The following PTPRG variants were observed in gnomAD, a reference collection of about 807,000 sequenced individuals.
The protein encoded by PTPRG is protein tyrosine phosphatase receptor type G.
In PTPRG, 102 loss-of-function variants were observed where a neutral mutation model predicts 165.3. The ratio of observed to expected loss-of-function variants is 0.62; its 90% CI spans 0.53 to 0.73. The LOEUF is 0.73. PTPRG is among the 30% of genes least tolerant of loss of function. The probability of loss-of-function intolerance (pLI) is 0.00; values close to 1 mark genes in which losing one functional copy is unlikely to be tolerated. For missense variants in PTPRG, 1,866 were observed against 1,861.4 expected, an observed-to-expected ratio of 1.00 and a Z score of -0.05; for synonymous variants, 675 against 669.5, an observed-to-expected ratio of 1.01 and a Z score of -0.13.
At chr3:61,659,293 G>C in intron 1 of PTPRG, 1 of 985,046 alleles carries the variant, frequency 1.0e-6, no homozygotes. Context: ...CATCGACAAA[G>C]GCACTGATGG....
At position 62,003,318 on chromosome 3, in the gene PTPRG, G is replaced by T. The variant is rs756893775; in HGVS notation, c.371-31G>T. On this transcript the variant is annotated intron_variant, in intron 3 of 29. Transcript: ENST00000474889. ...TCCATTTGGTTTTGAAACTCACTTT[G>T]TTTTCCTCTCTTCTCATTTGTTTCA... is the stretch of plus-strand genomic sequence containing the variant. 3.8e-6 allele frequency: 6 copies of T among 1,591,204 alleles called. No homozygotes were observed. In the African/African-American group the frequency reaches 8.1e-5, roughly 22 times the overall value.
At chr3:62,244,004 G>C in intron 15 of PTPRG, 106 bp downstream of exon 15, 1 of 665,036 alleles carries the variant, frequency 1.5e-6, no homozygotes, top group Non-Finnish European at 2.5e-6. Flanking sequence ...TTTAAAGCTT[G>C]CCCAGTATAA....
intron 2 of PTPRG, among the ~76,000 whole-genome samples, chr3:61,751,606 T>C (rs533368834): frequency 3.3e-5 from 5 of 152,314 alleles, no homozygotes; most frequent in Non-Finnish European, 5.9e-5. Context: ...ATCTTGATGA[T>C]GTTGGAAAAG....
At chr3:61,735,185 A>G (rs959429379) in intron 1 of PTPRG, among the ~76,000 whole-genome samples, 9 of 152,240 alleles carry the variant, frequency 5.9e-5, no homozygotes, top group Admixed American at 5.9e-4. Context: ...TGCTTTAGCC[A>G]TCTTGATGTG....
intron 2 of PTPRG, among the ~76,000 whole-genome samples, chr3:61,855,630 A>T (rs2107380949): frequency 2.0e-5 from 3 of 151,422 alleles, no homozygotes; most frequent in African/African-American, 7.3e-5. Context: ...AAGGGGTATA[A>T]AATAATATGA....
chr3:61,814,468 G>C (rs936461234), intron 2 of PTPRG, among the ~76,000 whole-genome samples: 2 of 152,030 alleles, frequency 1.3e-5, no homozygotes, highest in African/African-American at 4.8e-5. Context: ...AACTTGCTTT[G>C]TTGATATCTG....
chr3:61,597,301 C>T (rs974265965), intron 1 of PTPRG, among the ~76,000 whole-genome samples: 1 of 152,138 alleles, frequency 6.6e-6, no homozygotes, highest in African/African-American at 2.4e-5. Flanking sequence ...TCCATATCTG[C>T]TGAGTATTGA....
intron 2 of PTPRG, among the ~76,000 whole-genome samples, chr3:61,899,241 A>G (rs2038438278): frequency 6.6e-6 from 1 of 152,160 alleles, no homozygotes; most frequent in South Asian, 2.1e-4. Context: ...CCCTCCATAA[A>G]TGATGGTTAG....
intron 5 of PTPRG, among the ~76,000 whole-genome samples, chr3:62,120,483 G>C (rs747768709): frequency 1.3e-5 from 1 of 74,188 alleles, no homozygotes; most frequent in Non-Finnish European, 3.5e-5. Flanking sequence ...AGGTGCAGTG[G>C]CTCACGCCTG....
intron 1 of PTPRG, among the ~76,000 whole-genome samples, chr3:61,693,333 A>G (rs1046181162): frequency 3.9e-5 from 6 of 152,230 alleles, no homozygotes; most frequent in Admixed American, 3.3e-4. Flanking sequence ...AGATGCTTCT[A>G]CTTATTACCC....
intron 1 of PTPRG, among the ~76,000 whole-genome samples, chr3:61,667,973 T>A (rs1214382340): frequency 6.6e-6 from 1 of 152,038 alleles, no homozygotes; most frequent in East Asian, 1.9e-4. Flanking sequence ...GGGAAAAAAG[T>A]TTTATTGGAA....
Position 61,574,218 on chromosome 3 carries a change from C to T in PTPRG, c.85+11846C>T, listed in dbSNP as rs867324686. 3.3e-5 allele frequency among the ~76,000 whole-genome samples: 5 copies of T among 152,158 alleles called. No homozygotes were observed. In the South Asian group the frequency reaches 6.2e-4, roughly 19 times the overall value. On this transcript the variant is annotated intron_variant, in intron 1 of 29. Transcript: ENST00000474889. ...GAGCTTGCCTCAGCTGACAGTAGAGCGCAAAAATGAATGCCATTGCCCAGT... is the reference window on the plus strand; with the variant it reads ...GAGCTTGCCTCAGCTGACAGTAGAGTGCAAAAATGAATGCCATTGCCCAGT...
intron 10 of PTPRG, among the ~76,000 whole-genome samples, chr3:62,197,893 T>A (rs1452503767): frequency 6.6e-6 from 1 of 152,242 alleles, no homozygotes; most frequent in Non-Finnish European, 1.5e-5. Flanking sequence ...CTACAGACTT[T>A]CTTTCCTCAG....
chr3:62,225,771 CAGCCTCTCGCATAGCAGGGATT>C (rs1700751269), intron 13 of PTPRG, among the ~76,000 whole-genome samples: 1 of 151,678 alleles, frequency 6.6e-6, no homozygotes, highest in African/African-American at 2.4e-5. Flanking sequence ...TCTCCTGCCT[CAGCCTCTCGCATAGCAGGGATT>C]ACAGGCACCC....
At chr3:61,728,917 C>T (rs1035874594) in intron 1 of PTPRG, among the ~76,000 whole-genome samples, 3 of 150,456 alleles carry the variant, frequency 2.0e-5, no homozygotes, top group Admixed American at 6.6e-5. Context: ...AAAAAATTAG[C>T]TGGACATGGT....
In PTPRG at chr3:62,205,882, C is replaced by T. The variant is rs544802796; in HGVS notation, c.2155+1932C>T. Among the ~76,000 whole-genome samples, 5 of 152,244 alleles carry T rather than the reference C, an allele frequency of 3.3e-5. No homozygotes were observed. The East Asian group carries it at 9.7e-4, about 29-fold the overall frequency. Reference sequence around the variant, plus strand: ...TGATTTTTTGAAAGACCTCTCAGGCCTCTGCGTGGAGATGATATAGGAAGG... The same window carrying T: ...TGATTTTTTGAAAGACCTCTCAGGCTTCTGCGTGGAGATGATATAGGAAGG... On this transcript the variant is annotated intron_variant, in intron 12 of 29. Transcript: ENST00000474889.
In PTPRG at chr3:62,255,164, C is replaced by A; in HGVS notation, c.2508C>A (p.His836Gln). Residue 836 changes from histidine (H) to glutamine (Q), a missense_variant, in exon 16 of 30, where the codon CAC (histidine) becomes CAA (glutamine). By Grantham distance (24) the His-to-Gln change is conservative. Around this residue, in one of 3 missense-constraint regions of PTPRG, gnomAD observed 1,452 missense variants for 1,463.0 expected, o/e 0.99. Transcript: ENST00000474889. The surrounding 1 kb of genome is among the most constrained non-coding windows in gnomAD (Gnocchi z 4.0). ...TTCCTGTCAAACAGTTTGTCAAACA[C>A]ATCGGTGAGCTCTATTCTAATAACC... ...EAIPVKQFVKHIGELYSNNQH... is the reference protein window; with the variant it reads ...EAIPVKQFVKQIGELYSNNQH... The A allele has an allele frequency of 6.2e-7, 1 of 1,613,336 alleles. No homozygotes were observed. The highest frequency in any genetic ancestry group is 8.5e-7 in the Non-Finnish European group (1 of 1,179,586).
rs760926932 is a variant in PTPRG at position 61,562,388 on chromosome 3, C to T, written c.85+16C>T. Reference sequence around the variant, plus strand: ...TGCTTCCCCGGTGAGTGCCGGCCGCCGAGGGGATGCGGCCCCGGCCGGCGC... The same window carrying T: ...TGCTTCCCCGGTGAGTGCCGGCCGCTGAGGGGATGCGGCCCCGGCCGGCGC... On this transcript the variant is annotated intron_variant, in intron 1 of 29. Transcript: ENST00000474889. 9.9e-6 allele frequency: 16 copies of T among 1,611,896 alleles called. No individual in the cohort carries two copies. The highest frequency in any genetic ancestry group is 1.4e-5 in the Non-Finnish European group (16 of 1,178,568).
intron 1 of PTPRG, among the ~76,000 whole-genome samples, chr3:61,633,274 T>G (rs1701817642): frequency 6.6e-6 from 1 of 152,160 alleles, no homozygotes; most frequent in South Asian, 2.1e-4. Flanking sequence ...CACTACTGTT[T>G]CCCCCAGCAC....
Sources: allele counts gnomAD v4.1 joint callset (sites outside exome capture counted in the v4.1 genomes callset), GRCh38; gene constraint gnomAD v4.1.1; regional missense constraint gnomAD v4.1.1; non-coding constraint Gnocchi (gnomAD v3.1); transcripts MANE v1.5; gene names NCBI Gene and HGNC (gene_info 2026-07-23, HGNC 2026-07-21).